The following DMD variants were observed in gnomAD, a reference collection of about 807,000 sequenced individuals.
DMD encodes dystrophin.
A neutral mutation model predicts 330.1 loss-of-function variants in DMD; 63 were observed. The observed-to-expected ratio is 0.19, with a 90% CI of 0.16 to 0.24. DMD has a LOEUF of 0.24. DMD is among the 10% of genes least tolerant of loss of function. The pLI is 1.00. For synonymous variants in DMD, 1,223 were observed against 959.8 expected, an observed-to-expected ratio of 1.27 and a Z score of -5.07; for missense variants, 3,344 against 2,684.1, an observed-to-expected ratio of 1.25 and a Z score of -5.43.
chrX:31,903,407 G>A (rs2094445458), intron 47 of DMD, among the ~76,000 whole-genome samples: 1 of 111,380 alleles, frequency 9.0e-6, no homozygotes, highest in African/African-American at 3.3e-5. Context: ...ATTAAACTTT[G>A]AGCAAATATG....
At chrX:32,783,241 T>C (rs1337263387) in intron 7 of DMD, among the ~76,000 whole-genome samples, 2 of 100,023 alleles carry the variant, frequency 2.0e-5, no homozygotes, top group African/African-American at 3.6e-5. Context: ...TATATACACA[T>C]ATGTGTATAT....
chrX:31,791,072 G>A (rs1486463549), intron 50 of DMD, among the ~76,000 whole-genome samples: 1 of 110,857 alleles, frequency 9.0e-6, no homozygotes, highest in Non-Finnish European at 1.9e-5. Flanking sequence ...AATGGTCCTG[G>A]GAAATTTTAG....
chrX:31,593,662 T>C lies in DMD; in HGVS notation c.8217+34011A>G, dbSNP rs757516509. On this transcript the variant is annotated intron_variant, in intron 55 of 78. Transcript: ENST00000357033. ...GCTTTTTCCTCGACTTTATAGATTTTATTTGATTTTAAATTTTAGTCCACA... is the reference window on the plus strand; with the variant it reads ...GCTTTTTCCTCGACTTTATAGATTTCATTTGATTTTAAATTTTAGTCCACA... Among the ~76,000 whole-genome samples the C allele has an allele frequency of 4.5e-5, 5 of 111,175 alleles. No individual in the cohort carries two copies. In the South Asian group the frequency reaches 1.8e-3, roughly 41 times the overall value.
chrX:33,113,973 C>T (rs1034566561), intron 1 of DMD, among the ~76,000 whole-genome samples: 2 of 110,333 alleles, frequency 1.8e-5, no homozygotes, highest in South Asian at 3.8e-4. Context: ...TTAGGTTATA[C>T]TATAAATGTA....
intron 2 of DMD, among the ~76,000 whole-genome samples, chrX:32,860,014 A>G (rs1267986833): frequency 9.0e-6 from 1 of 111,689 alleles, no homozygotes; most frequent in African/African-American, 3.3e-5. Flanking sequence ...ATGTATCTGC[A>G]TATATATTGT....
chrX:31,635,055 A>G (rs1489889925), intron 54 of DMD, among the ~76,000 whole-genome samples: 1 of 111,460 alleles, frequency 9.0e-6, no homozygotes, highest in Non-Finnish European at 1.9e-5. Flanking sequence ...GGAGTAATGA[A>G]TTACATTTGG....
rs181240132 is a variant in DMD, at chrX:33,044,012, A to T, written c.32-23812T>A. 4.0e-3 allele frequency among the ~76,000 whole-genome samples: 444 copies of T among 111,645 alleles called. 2 individuals carry two copies. The highest frequency in any genetic ancestry group is 6.7e-3 in the Non-Finnish European group (355 of 53,077). On this transcript the variant is annotated intron_variant, in intron 1 of 78. Transcript: ENST00000357033. ...CAGTTAATCTAAATCTGCAAAACGA[A>T]AGGAGCTTCCACTAGGCCAGAGGGG...
chrX:33,334,996 C>T (rs2054230348), intron 1 of DMD, among the ~76,000 whole-genome samples: 1 of 111,197 alleles, frequency 9.0e-6, no homozygotes, highest in South Asian at 3.7e-4. Flanking sequence ...CAAAGAGGTG[C>T]AAGTGAGTCT....
intron 12 of DMD, among the ~76,000 whole-genome samples, chrX:32,598,498 T>C (rs893113501): frequency 8.9e-6 from 1 of 112,082 alleles, no homozygotes; most frequent in Admixed American, 9.5e-5. Flanking sequence ...TCAATTCTTT[T>C]CTGTCCTTCA....
intron 56 of DMD, among the ~76,000 whole-genome samples, chrX:31,497,916 C>T (rs150456628): frequency 2.6e-3 from 291 of 112,073 alleles, no homozygotes; most frequent in African/African-American, 9.0e-3. Context: ...AAGACTTTAA[C>T]GCTGCAAAGA....
At chrX:31,351,334 A>C (rs2058399770) in intron 60 of DMD, among the ~76,000 whole-genome samples, 1 of 111,171 alleles carries the variant, frequency 9.0e-6, no homozygotes, top group South Asian at 3.8e-4. Flanking sequence ...ATTAAATAAG[A>C]TGATACAATG....
intron 1 of DMD, among the ~76,000 whole-genome samples, chrX:33,336,654 T>A (rs1463009345): frequency 2.7e-5 from 3 of 111,965 alleles, no homozygotes; most frequent in African/African-American, 9.7e-5. Flanking sequence ...CATAGATTTA[T>A]AAAAGTCACT....
intron 44 of DMD, among the ~76,000 whole-genome samples, chrX:32,203,141 A>C (rs1299512344): frequency 8.9e-6 from 1 of 112,360 alleles, no homozygotes. Context: ...GCCATTCTCC[A>C]AGCTGGCTTT....
intron 63 of DMD, among the ~76,000 whole-genome samples, chrX:31,229,360 T>A (rs567773156): frequency 1.8e-5 from 2 of 112,302 alleles, no homozygotes; most frequent in African/African-American, 6.5e-5. Flanking sequence ...AACTGAGGTC[T>A]AGAATTTAAA....
At chrX:31,690,481 G>A (rs756158407) in intron 52 of DMD, among the ~76,000 whole-genome samples, 312 of 112,023 alleles carry the variant, frequency 2.8e-3, no homozygotes, top group Non-Finnish European at 4.6e-3. Context: ...AGGTGCTGGA[G>A]AGGATGTGGA....
chrX:31,271,697 C>A (rs1375974706), intron 62 of DMD, among the ~76,000 whole-genome samples: 1 of 111,291 alleles, frequency 9.0e-6, no homozygotes, highest in African/African-American at 3.3e-5. Context: ...TCAATTAACT[C>A]GAATACATAT....
At chrX:31,172,243 A>C in intron 73 of DMD, 105 bp downstream of exon 73, 1 of 610,210 alleles carries the variant, frequency 1.6e-6, no homozygotes, top group South Asian at 2.5e-5. Flanking sequence ...TAAAAGATCA[A>C]ATGAATATGA....
In DMD at chrX:32,328,689, C is replaced by CA. The variant is rs534540235; in HGVS notation, c.5922+13410dup. Among the ~76,000 whole-genome samples the CA allele has an allele frequency of 6.4e-3, 570 of 88,434 alleles. 1 individual carries two copies. The highest frequency in any genetic ancestry group is 0.016 in the African/African-American group (392 of 24,438). The allele number at this position is 88,434 out of a possible 115,157, so 76.8% of individuals were successfully genotyped here. ...ATTTCATAGGTCAATAACAACATTA[C>CA]AAAAAAAAAAAACTATTAGGGAACA... On this transcript the variant is annotated intron_variant, in intron 41 of 78. Coordinates refer to ENST00000357033, the MANE Select transcript of DMD (RefSeq NM_004006.3).
At chrX:31,717,935 G>A (rs2085182467) in intron 52 of DMD, among the ~76,000 whole-genome samples, 1 of 111,262 alleles carries the variant, frequency 9.0e-6, no homozygotes, top group South Asian at 3.8e-4. Context: ...CAGTTCCATG[G>A]TTCCTGTATG....
Sources: allele counts gnomAD v4.1 joint callset (sites outside exome capture counted in the v4.1 genomes callset), GRCh38; gene constraint gnomAD v4.1.1; transcripts MANE v1.5; gene names NCBI Gene and HGNC (gene_info 2026-07-23, HGNC 2026-07-21).